Variants in PLCB4 observed in about 807,000 individuals in gnomAD.
The protein encoded by PLCB4 is 1-phosphatidylinositol 4,5-bisphosphate phosphodiesterase beta-4.
PLCB4 carries 77 observed loss-of-function variants against 178.8 expected under a neutral mutation model. The observed-to-expected ratio is 0.43, with a 90% confidence interval of 0.36 to 0.52. The LOEUF (loss-of-function observed/expected upper bound fraction) is 0.52, where lower values mean the gene tolerates loss of function less well. PLCB4 is among the 20% of genes least tolerant of loss of function. The pLI is 0.00. For missense variants in PLCB4, 1,024 were observed against 1,453.4 expected (o/e 0.70, Z 4.80); for synonymous variants, 496 against 490.8 (o/e 1.01, Z -0.14).
intron 20 of PLCB4, among the ~76,000 whole-genome samples, chr20:9,402,778 A>G (rs1178670810): frequency 6.6e-6 from 1 of 152,234 alleles, no homozygotes; most frequent in East Asian, 1.9e-4. Flanking sequence ...ATGACCCTCT[A>G]GTGTCCTTGT....
rs559433992 is a variant in PLCB4, at chr20:9,435,604, A to G, written c.2569A>G (p.Thr857Ala). ...LSDPKKFLSI[T>A]EKRADQMRAM... ...AGATCCAAAGAAATTTCTCTCAATT[A>G]CAGAAAAGAGAGCAGACCAAATGAG... The change falls in exon 29 of 40, where the codon ACA becomes GCA. Residue 857 changes from threonine to alanine, a missense_variant. Transcript: ENST00000378473. 1.2e-6 allele frequency: 2 copies of G among 1,610,524 alleles called. No individual in the cohort carries two copies. Among genetic ancestry groups the G allele is most frequent in the South Asian group, 2.2e-5 (2 of 90,894 alleles).
At chr20:9,227,472 T>C (rs1431412457) in intron 3 of PLCB4, among the ~76,000 whole-genome samples, 8 of 152,170 alleles carry the variant, frequency 5.3e-5, no homozygotes, top group Non-Finnish European at 8.8e-5. Flanking sequence ...TTAGCCCTTA[T>C]ATTTAAGTCA....
chr20:9,475,014 G>A (rs1360434193), intron 38 of PLCB4, among the ~76,000 whole-genome samples: 1 of 152,228 alleles, frequency 6.6e-6, no homozygotes, highest in Non-Finnish European at 1.5e-5. Flanking sequence ...GGGAATATGA[G>A]TAAGGATAAA....
chr20:9,420,947 G>A (rs745537589), intron 26 of PLCB4, among the ~76,000 whole-genome samples: 1 of 152,062 alleles, frequency 6.6e-6, no homozygotes, highest in Non-Finnish European at 1.5e-5. Context: ...AGCTATGAAG[G>A]GTCTTAGGAC....
intron 32 of PLCB4, among the ~76,000 whole-genome samples, chr20:9,445,372 C>T (rs1166911853): frequency 6.6e-6 from 1 of 152,162 alleles, no homozygotes; most frequent in African/African-American, 2.4e-5. Flanking sequence ...TATTCTCTGA[C>T]CCAAGCCTCA....
In PLCB4 at chr20:9,286,436, C is replaced by T. The variant is rs189024963; in HGVS notation, c.-15-21364C>T. Among the ~76,000 whole-genome samples, 4 of 152,098 alleles carry T rather than the reference C, an allele frequency of 2.6e-5. No homozygotes were observed. In the East Asian group the frequency reaches 7.8e-4, roughly 30 times the overall value. On this transcript the variant is annotated intron_variant, in intron 3 of 39. Coordinates refer to ENST00000378473, the MANE Select transcript of PLCB4 (RefSeq NM_001377142.1). ...GTAATAATTAGGGAAGGTTCTCTGGCTTCTGGTTTTACTTCAATGTTTACA... is the reference window on the plus strand; with the variant it reads ...GTAATAATTAGGGAAGGTTCTCTGGTTTCTGGTTTTACTTCAATGTTTACA...
chr20:9,123,368 G>A (rs1187077584), intron 2 of PLCB4, among the ~76,000 whole-genome samples: 1 of 150,188 alleles, frequency 6.7e-6, no homozygotes, highest in Non-Finnish European at 1.5e-5. Flanking sequence ...CTTTTGCTTT[G>A]AATGTGCCAA....
intron 24 of PLCB4, among the ~76,000 whole-genome samples, chr20:9,410,226 G>C (rs2039762529): frequency 6.6e-6 from 1 of 152,038 alleles, no homozygotes; most frequent in Non-Finnish European, 1.5e-5. Context: ...ATTCTGCATG[G>C]GGTCCCCACA....
chr20:9,468,206 C>T (rs1217845105), intron 35 of PLCB4, among the ~76,000 whole-genome samples: 2 of 152,042 alleles, frequency 1.3e-5, no homozygotes, highest in Non-Finnish European at 2.9e-5. Flanking sequence ...GGCCACTGCC[C>T]CTCAAGGATC....
chr20:9,408,677 G>A lies in PLCB4; in HGVS notation c.1834G>A (p.Gly612Ser), dbSNP rs1442386608. 1.3e-6 allele frequency: 2 copies of A among 1,591,908 alleles called. No homozygotes were observed. Among genetic ancestry groups the A allele is most frequent in the East Asian group, 2.2e-5 (1 of 44,768 alleles). Residue 612 changes from glycine to serine, a missense_variant, in exon 23 of 40, where the codon GGT becomes AGT. By Grantham distance (56) the Gly-to-Ser change is moderately conservative. This residue lies in a region of PLCB4 where 263 missense variants were observed against 417.4 expected (regional missense o/e 0.63). Coordinates refer to ENST00000378473, the MANE Select transcript of PLCB4 (RefSeq NM_001377142.1). ...YNMSSFNESV[G>S]LGYLKTHAIE... The stretch of plus-strand genomic sequence containing the variant: ...CATGTCTTCTTTTAATGAATCAGTC[G>A]GTCTTGGCTACTTGAAGACACATGC...
intron 3 of PLCB4, among the ~76,000 whole-genome samples, chr20:9,289,905 G>T (rs1480563205): frequency 6.6e-6 from 1 of 152,052 alleles, no homozygotes; most frequent in Non-Finnish European, 1.5e-5. Context: ...GGTAAATGGT[G>T]AAACAGTAAG....
At chr20:9,099,169 T>C (rs568056647) in intron 2 of PLCB4, among the ~76,000 whole-genome samples, 132 of 152,128 alleles carry the variant, frequency 8.7e-4, no homozygotes, top group Non-Finnish European at 1.3e-3. Context: ...AAGAAGCTCA[T>C]AATCAAAGAA....
chr20:9,168,571 G>C (rs541046259), intron 2 of PLCB4, among the ~76,000 whole-genome samples: 42 of 152,214 alleles, frequency 2.8e-4, no homozygotes, highest in Non-Finnish European at 5.4e-4. Context: ...CTGAGATTCT[G>C]CATTGCTAAC....
intron 35 of PLCB4, among the ~76,000 whole-genome samples, chr20:9,460,764 A>G (rs532504543): frequency 1.8e-3 from 267 of 152,348 alleles, no homozygotes; most frequent in African/African-American, 5.9e-3. Flanking sequence ...TGCCAACTGC[A>G]TAAGTTATCT....
chr20:9,398,107 A>C (rs1211233408), intron 19 of PLCB4, among the ~76,000 whole-genome samples: 2 of 152,192 alleles, frequency 1.3e-5, no homozygotes, highest in Non-Finnish European at 1.5e-5. Flanking sequence ...AGTCCCCCAG[A>C]TGGAACATCT....
intron 7 of PLCB4, among the ~76,000 whole-genome samples, chr20:9,349,049 A>C (rs1163346436): frequency 4.0e-5 from 6 of 151,654 alleles, no homozygotes; most frequent in Non-Finnish European, 1.5e-5. Context: ...AAAGTACAGG[A>C]TAGTAAAAAA....
At chr20:9,357,473 C>A (rs1602077321) in intron 7 of PLCB4, among the ~76,000 whole-genome samples, 1 of 152,236 alleles carries the variant, frequency 6.6e-6, no homozygotes, top group East Asian at 1.9e-4. Flanking sequence ...TGTGTGTAGT[C>A]ACTCTCAGAA....
In PLCB4 at chr20:9,387,576, C is replaced by T. The variant is rs2037780910; in HGVS notation, c.1158+20C>T. On this transcript the variant is annotated intron_variant, in intron 15 of 39. Coordinates refer to ENST00000378473, the MANE Select transcript of PLCB4 (RefSeq NM_001377142.1). ...TTTAAGGTAACTTTAAAAATAATTACACAGACTTTTCCAAACTCTGTGAAA... is the reference window on the plus strand; with the variant it reads ...TTTAAGGTAACTTTAAAAATAATTATACAGACTTTTCCAAACTCTGTGAAA... 1 of 1,181,028 alleles carries T rather than the reference C, an allele frequency of 8.5e-7. No homozygotes were observed. Among genetic ancestry groups the T allele is most frequent in the Admixed American group, 1.9e-5 (1 of 51,466 alleles). The allele number at this position is 1,181,028 out of a possible 1,614,324, so 73.2% of individuals were successfully genotyped here. A position where few individuals can be genotyped will look rare whatever the true frequency, so the allele number is the denominator to read the frequency against.
chr20:9,355,866 C>A (rs566796214), intron 7 of PLCB4, among the ~76,000 whole-genome samples: 9 of 152,274 alleles, frequency 5.9e-5, no homozygotes, highest in African/African-American at 2.2e-4. Flanking sequence ...CCTGAGGAAT[C>A]ACCACACTGA....
Sources: allele counts gnomAD v4.1 joint callset (sites outside exome capture counted in the v4.1 genomes callset), GRCh38; gene constraint gnomAD v4.1.1; regional missense constraint gnomAD v4.1.1; transcripts MANE v1.5; gene names NCBI Gene and HGNC (gene_info 2026-07-23, HGNC 2026-07-21).